The following BACH2 variants were observed in gnomAD, a reference collection of about 807,000 sequenced individuals.
BACH2 encodes transcription regulator protein BACH2.
BACH2 carries 5 observed loss-of-function variants against 61.8 expected under a neutral mutation model. The observed-to-expected ratio is 0.08, with a 90% CI of 0.04 to 0.17. The LOEUF (loss-of-function observed/expected upper bound fraction) is 0.17. Among genes scored for constraint, BACH2 ranks in the 10% least tolerant of loss-of-function variants. The pLI is 1.00. For synonymous variants in BACH2, 446 were observed against 440.1 expected, an observed-to-expected ratio of 1.01 and a Z score of -0.17; for missense variants, 824 against 1,091.1, an observed-to-expected ratio of 0.76 and a Z score of 3.45.
intron 4 of BACH2, among the ~76,000 whole-genome samples, chr6:90,188,123 C>G (rs1768424594): frequency 6.6e-6 from 1 of 152,248 alleles, no homozygotes; most frequent in Non-Finnish European, 1.5e-5. Context: ...CTAAAACTTT[C>G]AGGCTCCCCA....
chr6:90,211,588 CTG>C (rs3072674), intron 3 of BACH2, among the ~76,000 whole-genome samples: 16,797 of 143,846 alleles, frequency 0.12, 927 homozygotes, highest in South Asian at 0.17. Flanking sequence ...GTGTCAAGGG[CTG>C]TGTGTGTGTG....
At chr6:90,280,858 G>C (rs1224689980) in intron 1 of BACH2, among the ~76,000 whole-genome samples, 1 of 152,142 alleles carries the variant, frequency 6.6e-6, no homozygotes, top group Non-Finnish European at 1.5e-5. Flanking sequence ...GTATATTACA[G>C]AGAGGGAAGC....
At chr6:90,145,352 A>G (rs1254974052) in intron 4 of BACH2, among the ~76,000 whole-genome samples, 1 of 152,258 alleles carries the variant, frequency 6.6e-6, no homozygotes, top group Non-Finnish European at 1.5e-5. Context: ...TAGGTAATTA[A>G]CTGCTACTAG....
chr6:90,004,363 G>A (rs949137306), intron 6 of BACH2, among the ~76,000 whole-genome samples: 1 of 152,084 alleles, frequency 6.6e-6, no homozygotes, highest in Admixed American at 6.6e-5. Flanking sequence ...TATTTATACC[G>A]AGGAAAACAT....
chr6:90,105,440 T>A (rs552288143), intron 4 of BACH2, among the ~76,000 whole-genome samples: 1 of 152,336 alleles, frequency 6.6e-6, no homozygotes, highest in South Asian at 2.1e-4. Flanking sequence ...ATACATACTT[T>A]GTAATGTGTT....
intron 6 of BACH2, among the ~76,000 whole-genome samples, chr6:89,979,523 T>C (rs1211987945): frequency 2.0e-5 from 3 of 152,152 alleles, no homozygotes; most frequent in Non-Finnish European, 4.4e-5. Context: ...AAACCCCAAA[T>C]GGCCATTTCC....
At chr6:90,044,128 G>A (rs1303423686) in intron 5 of BACH2, among the ~76,000 whole-genome samples, 1 of 152,116 alleles carries the variant, frequency 6.6e-6, no homozygotes, top group Non-Finnish European at 1.5e-5. Flanking sequence ...TTGGAGAAAA[G>A]GGCAATATAC....
intron 4 of BACH2, among the ~76,000 whole-genome samples, chr6:90,176,570 G>C (rs920807773): frequency 6.6e-6 from 1 of 152,122 alleles, no homozygotes; most frequent in African/African-American, 2.4e-5. Context: ...TCAGGGAAAC[G>C]ACACACCGGA....
At chr6:90,039,586 G>C (rs1015942501) in intron 5 of BACH2, among the ~76,000 whole-genome samples, 1 of 152,090 alleles carries the variant, frequency 6.6e-6, no homozygotes, top group Non-Finnish European at 1.5e-5. Context: ...GGGTTTCATC[G>C]TGTTAGCCAG....
At chr6:90,218,745 A>T (rs768689607) in intron 3 of BACH2, among the ~76,000 whole-genome samples, 5 of 152,116 alleles carry the variant, frequency 3.3e-5, no homozygotes, top group Non-Finnish European at 7.4e-5. Flanking sequence ...AAAGCAGATG[A>T]ATGGGCTCAG....
At chr6:90,295,404 C>G (rs547585362) in intron 1 of BACH2, among the ~76,000 whole-genome samples, 73 of 152,266 alleles carry the variant, frequency 4.8e-4, no homozygotes, top group African/African-American at 1.7e-3. Flanking sequence ...GGTCCGAGTT[C>G]CTGCAAATGC....
At position 90,033,102 on chromosome 6, in the gene BACH2, C is replaced by A. The variant is rs554715986; in HGVS notation, c.-12-24246G>T. 7.6e-4 allele frequency among the ~76,000 whole-genome samples: 97 copies of A among 127,330 alleles called. 2 individuals carry two copies. In the South Asian group the frequency reaches 0.027, roughly 36 times the overall value. 83.5% of individuals were successfully genotyped at this position (127,330 alleles called of 152,430 possible). A position where few individuals can be genotyped will look rare whatever the true frequency, so the allele number is the denominator to read the frequency against. On this transcript the variant is annotated intron_variant, in intron 5 of 8. Coordinates refer to ENST00000257749, the MANE Select transcript of BACH2 (RefSeq NM_021813.4). ...AACCATCATTCTCAGCAAACTATCG[C>A]AAGGACAAAAAACCAAACGCTGCAT...
intron 2 of BACH2, among the ~76,000 whole-genome samples, chr6:90,254,637 C>G (rs915053950): frequency 2.0e-5 from 3 of 151,902 alleles, no homozygotes; most frequent in Non-Finnish European, 4.4e-5. Flanking sequence ...TTAGAATATA[C>G]ATTTTATATT....
At chr6:90,106,866 C>T (rs748210227) in intron 4 of BACH2, among the ~76,000 whole-genome samples, 1 of 152,338 alleles carries the variant, frequency 6.6e-6, no homozygotes, top group East Asian at 1.9e-4. Flanking sequence ...GTTTGCCCTA[C>T]AGGGCAACCA....
At chr6:90,243,483 G>A (rs920474674) in intron 3 of BACH2, among the ~76,000 whole-genome samples, 1 of 152,228 alleles carries the variant, frequency 6.6e-6, no homozygotes. Context: ...TGCTGTTTTT[G>A]TTATTGTTTT....
At chr6:90,196,016 T>C (rs1768746070) in intron 4 of BACH2, among the ~76,000 whole-genome samples, 1 of 152,160 alleles carries the variant, frequency 6.6e-6, no homozygotes, top group South Asian at 2.1e-4. Flanking sequence ...AGAACAATCC[T>C]CAGTTTGCAA....
chr6:90,072,274 A>C (rs1413662450), intron 5 of BACH2, among the ~76,000 whole-genome samples: 1 of 152,166 alleles, frequency 6.6e-6, no homozygotes, highest in Non-Finnish European at 1.5e-5. Flanking sequence ...CCTCTACTTG[A>C]GTGAACTGTT....
At chr6:90,097,656 A>T (rs999833568) in intron 4 of BACH2, among the ~76,000 whole-genome samples, 5 of 152,232 alleles carry the variant, frequency 3.3e-5, no homozygotes, top group Admixed American at 6.5e-5. Context: ...ACTTTTTAAA[A>T]ATTATGGTAA....
intron 5 of BACH2, among the ~76,000 whole-genome samples, chr6:90,029,465 A>G (rs1477682251): frequency 6.6e-6 from 1 of 151,690 alleles, no homozygotes; most frequent in Non-Finnish European, 1.5e-5. Context: ...TTAAACCACA[A>G]CCCCAGCCTC....
Sources: gnomAD v4.1 joint callset for allele counts (sites outside exome capture counted in the v4.1 genomes callset) on GRCh38, gnomAD v4.1.1 for gene constraint, MANE v1.5 for transcripts, NCBI Gene and HGNC (gene_info 2026-07-23, HGNC 2026-07-21) for gene names.